The following STK10 variants were observed in gnomAD, a reference collection of about 807,000 sequenced individuals.
The protein encoded by STK10 is serine/threonine kinase 10, also known as serine/threonine-protein kinase 10.
Under a neutral mutation model 113.8 loss-of-function variants are expected in STK10, and 78 were observed. The ratio of observed to expected loss-of-function variants is 0.69; its 90% CI spans 0.57 to 0.83. The LOEUF (loss-of-function observed/expected upper bound fraction) is 0.83, where lower values mean the gene tolerates loss of function less well. Ranked by LOEUF, STK10 falls within the 40% of genes least tolerant of loss-of-function variation. The pLI is 0.00. For missense variants in STK10, 1,109 were observed against 1,280.1 expected (o/e 0.87, Z 2.04); for synonymous variants, 465 against 494.7 (o/e 0.94, Z 0.80).
At chr5:172,121,519 A>T (rs1443338251) in intron 3 of STK10, among the ~76,000 whole-genome samples, 1 of 148,068 alleles carries the variant, frequency 6.8e-6, no homozygotes, top group African/African-American at 2.5e-5. Flanking sequence ...TATAAAAAAA[A>T]TTTTTGGCAG....
At chr5:172,083,865 G>A (rs1340910011) in intron 10 of STK10, among the ~76,000 whole-genome samples, 4 of 145,768 alleles carry the variant, frequency 2.7e-5, no homozygotes, top group Non-Finnish European at 3.0e-5. Flanking sequence ...CCGAGATGAC[G>A]CCATTGCACT....
chr5:172,082,464 C>CTGGA lies in STK10; in HGVS notation c.1850_1851insTCCA (p.Glu617AspfsTer80). 6.2e-7 allele frequency: 1 copy of CTGGA among 1,607,238 alleles called. No individual in the cohort carries two copies. ...TCTCCACTTGCTGCTTTTGCTGACGCTCCAGGTTCTCTAATTCCGTGTCAA... is the reference window on the plus strand; with the variant it reads ...TCTCCACTTGCTGCTTTTGCTGACGCTGGATCCAGGTTCTCTAATTCCGTGTCAA... On this transcript the variant is annotated frameshift_variant, in exon 12 of 19. Coordinates refer to ENST00000176763, the MANE Select transcript of STK10 (RefSeq NM_005990.4). LOFTEE classifies it high-confidence loss of function. This position sits in a 1 kb window ranked among gnomAD's most constrained non-coding sequence, Gnocchi z 4.3.
At chr5:172,183,108 G>A (rs767118398) in intron 1 of STK10, among the ~76,000 whole-genome samples, 14 of 152,168 alleles carry the variant, frequency 9.2e-5, no homozygotes, top group Admixed American at 3.3e-4. Flanking sequence ...TCTGGAGGCT[G>A]AGACAGGAGG....
chr5:172,052,948 T>C lies in STK10; in HGVS notation c.2747A>G (p.Lys916Arg). ...HNQNLKEWRDKLRPRKKALEE... is the reference protein window; with the variant it reads ...HNQNLKEWRDRLRPRKKALEE... ...AGTTACCTTCTTGCGCGGCCGAAGCTTGTCCCGCCATTCCTTCAGGTTCTG... is the reference window on the plus strand; with the variant it reads ...AGTTACCTTCTTGCGCGGCCGAAGCCTGTCCCGCCATTCCTTCAGGTTCTG... The change falls in exon 18 of 19, where the codon AAG (lysine) becomes AGG (arginine). Residue 916 changes from lysine (K) to arginine (R), a missense_variant. Transcript: ENST00000176763. 1.2e-6 allele frequency: 2 copies of C among 1,614,158 alleles called. No homozygotes were observed. Among genetic ancestry groups the C allele is most frequent in the East Asian group, 2.2e-5 (1 of 44,882 alleles).
At chr5:172,164,586 G>C (rs1770530547) in intron 1 of STK10, among the ~76,000 whole-genome samples, 1 of 152,160 alleles carries the variant, frequency 6.6e-6, no homozygotes, top group South Asian at 2.1e-4. Flanking sequence ...GTATCTGACA[G>C]CTTTGCCAGA....
chr5:172,145,912 T>C (rs3776752), intron 2 of STK10, among the ~76,000 whole-genome samples: 34,501 of 151,950 alleles, frequency 0.23, 3,945 homozygotes, highest in East Asian at 0.28. Flanking sequence ...TCACCATCCA[T>C]AGAGACAGCC....
chr5:172,182,160 G>C (rs1007467516), intron 1 of STK10, among the ~76,000 whole-genome samples: 51 of 151,494 alleles, frequency 3.4e-4, no homozygotes, highest in East Asian at 2.0e-4. Flanking sequence ...AAAATTAGCC[G>C]GGTGTGGCGG....
intron 1 of STK10, among the ~76,000 whole-genome samples, chr5:172,167,580 C>A (rs1007771761): frequency 3.3e-5 from 5 of 152,170 alleles, no homozygotes; most frequent in African/African-American, 1.2e-4. Context: ...TAGAGAGAGA[C>A]CACTTCATCT....
intron 7 of STK10, among the ~76,000 whole-genome samples, chr5:172,102,245 G>A (rs1230856711): frequency 6.6e-6 from 1 of 152,156 alleles, no homozygotes; most frequent in African/African-American, 2.4e-5. Context: ...CCGAATGCAG[G>A]GACAACGGGA....
intron 4 of STK10, among the ~76,000 whole-genome samples, chr5:172,116,142 G>A (rs961192919): frequency 3.9e-5 from 6 of 152,204 alleles, no homozygotes; most frequent in Admixed American, 3.9e-4. Flanking sequence ...GTGCAGTGGT[G>A]CAATCTCAGC....
intron 4 of STK10, among the ~76,000 whole-genome samples, chr5:172,116,067 T>TTTTTTG (rs538581229): frequency 4.2e-4 from 64 of 152,210 alleles, no homozygotes; most frequent in East Asian, 7.7e-4. Context: ...TGTTGTTTGT[T>TTTTTTG]TTTTTGTTTT....
At chr5:172,119,780 C>T (rs1024580813) in intron 3 of STK10, among the ~76,000 whole-genome samples, 62 of 147,378 alleles carry the variant, frequency 4.2e-4, no homozygotes, top group Non-Finnish European at 8.5e-4. Context: ...AGGAGAATGG[C>T]GTGAACCCGG....
At chr5:172,150,048 A>AG (rs61056002) in intron 2 of STK10, among the ~76,000 whole-genome samples, 5 of 32,916 alleles carry the variant, frequency 1.5e-4, no homozygotes, top group Non-Finnish European at 2.0e-4. Context: ...ACTTTGTCTC[A>AG]AAAAAAAAAA....
At chr5:172,105,127 G>A (rs1459598108) in intron 7 of STK10, among the ~76,000 whole-genome samples, 3 of 151,778 alleles carry the variant, frequency 2.0e-5, no homozygotes, top group Non-Finnish European at 4.4e-5. Flanking sequence ...CTCCGCTCTC[G>A]TCTCCCCTCC....
chr5:172,067,352 G>A (rs1370364677), intron 12 of STK10, among the ~76,000 whole-genome samples: 1 of 150,464 alleles, frequency 6.6e-6, no homozygotes, highest in East Asian at 1.9e-4. Context: ...GCAAGACCCT[G>A]TCTCTAAATA....
chr5:172,159,180 G>A (rs1250777648), intron 1 of STK10, among the ~76,000 whole-genome samples: 2 of 152,194 alleles, frequency 1.3e-5, no homozygotes, highest in Admixed American at 1.3e-4. Context: ...GATCCTGCGA[G>A]GACGTTGGTG....
chr5:172,146,888 G>A (rs954371229), intron 2 of STK10, among the ~76,000 whole-genome samples: 6 of 152,128 alleles, frequency 3.9e-5, no homozygotes, highest in Admixed American at 2.6e-4. Flanking sequence ...TGTGTATTCC[G>A]ATTCAATTCC....
chr5:172,048,829 G>C lies in STK10; in HGVS notation c.2767-3807C>G, dbSNP rs190217580. Among the ~76,000 whole-genome samples the C allele has an allele frequency of 2.9e-3, 438 of 151,552 alleles. 3 individuals are homozygous for C. The highest frequency in any genetic ancestry group is 9.5e-3 in the African/African-American group (390 of 41,198). ...AGAGTAAAAGCCAGACTTTACGCAG[G>C]CCCCCCACCCCTCTGACTTTACCTC... On this transcript the variant is annotated intron_variant, in intron 18 of 18. Transcript: ENST00000176763.
chr5:172,046,110 AGCACTTTGGGAGGCCAAGGCG>A (rs1349971135), intron 18 of STK10, among the ~76,000 whole-genome samples: 3 of 151,866 alleles, frequency 2.0e-5, no homozygotes, highest in Non-Finnish European at 4.4e-5. Context: ...TTGTAATCCC[AGCACTTTGGGAGGCCAAGGCG>A]GGCGGATCAC....
Sources: gnomAD v4.1 joint callset for allele counts (sites outside exome capture counted in the v4.1 genomes callset) on GRCh38, gnomAD v4.1.1 for gene constraint, Gnocchi (gnomAD v3.1) non-coding constraint, MANE v1.5 for transcripts, NCBI Gene and HGNC (gene_info 2026-07-23, HGNC 2026-07-21) for gene names.